Variants in CADM1 observed in about 807,000 individuals in gnomAD.
CADM1 encodes TSLC-1.
In CADM1, 15 loss-of-function variants were observed where a neutral mutation model predicts 53.1. The observed-to-expected ratio is 0.28, with a 90% confidence interval of 0.19 to 0.44. The LOEUF is 0.44. CADM1 is among the 20% of genes least tolerant of loss of function. The probability of loss-of-function intolerance (pLI) is 1.00; values close to 1 mark genes in which losing one functional copy is unlikely to be tolerated. For synonymous variants in CADM1, 281 were observed against 243.0 expected, an observed-to-expected ratio of 1.16 and a Z score of -1.45; for missense variants, 434 against 611.3, an observed-to-expected ratio of 0.71 and a Z score of 3.06.
chr11:115,234,347 G>C (rs1941935101), intron 3 of CADM1, among the ~76,000 whole-genome samples: 1 of 152,188 alleles, frequency 6.6e-6, no homozygotes, highest in Non-Finnish European at 1.5e-5. Context: ...GTACAGATAA[G>C]GATCGAGGAA....
At chr11:115,301,775 A>C (rs1319908072) in intron 1 of CADM1, among the ~76,000 whole-genome samples, 1 of 152,102 alleles carries the variant, frequency 6.6e-6, no homozygotes, top group African/African-American at 2.4e-5. Flanking sequence ...AGAAATTAAA[A>C]ATAAAACAGT....
chr11:115,477,068 G>A (rs532329308), intron 1 of CADM1, among the ~76,000 whole-genome samples: 2 of 152,098 alleles, frequency 1.3e-5, no homozygotes, highest in African/African-American at 2.4e-5. Context: ...AGTCGGGCAG[G>A]ATAGGGCAGG....
chr11:115,243,628 A>C (rs1414994746), intron 1 of CADM1, among the ~76,000 whole-genome samples: 1 of 152,196 alleles, frequency 6.6e-6, no homozygotes, highest in Non-Finnish European at 1.5e-5. Context: ...TTTATGTAAA[A>C]ATAATTTCTG....
At chr11:115,331,731 A>G (rs1348038287) in intron 1 of CADM1, among the ~76,000 whole-genome samples, 2 of 109,182 alleles carry the variant, frequency 1.8e-5, no homozygotes, top group African/African-American at 4.0e-5. Flanking sequence ...ACCTGTAAGG[A>G]AAAAAAATGG....
chr11:115,386,021 CAAA>C (rs1165027098), intron 1 of CADM1, among the ~76,000 whole-genome samples: 1 of 152,230 alleles, frequency 6.6e-6, no homozygotes, highest in Non-Finnish European at 1.5e-5. Context: ...TTACCTCTAA[CAAA>C]ATTACCTGCT....
At chr11:115,200,515 G>A (rs955354057) in intron 8 of CADM1, among the ~76,000 whole-genome samples, 1 of 151,422 alleles carries the variant, frequency 6.6e-6, no homozygotes, top group African/African-American at 2.4e-5. Flanking sequence ...TTTTTTTTGA[G>A]ATGGAGTTTC....
chr11:115,479,827 G>A (rs1949219695), intron 1 of CADM1, among the ~76,000 whole-genome samples: 1 of 152,094 alleles, frequency 6.6e-6, no homozygotes, highest in Admixed American at 6.5e-5. Flanking sequence ...CTAGGCTAAG[G>A]ACATGGATGG....
At chr11:115,242,751 T>C (rs1322592601) in intron 1 of CADM1, among the ~76,000 whole-genome samples, 1 of 152,204 alleles carries the variant, frequency 6.6e-6, no homozygotes, top group Admixed American at 6.5e-5. Flanking sequence ...AAAAGGTACA[T>C]GTGGAAAGGC....
At chr11:115,334,280 T>C (rs1591718239) in intron 1 of CADM1, among the ~76,000 whole-genome samples, 1 of 152,114 alleles carries the variant, frequency 6.6e-6, no homozygotes, top group African/African-American at 2.4e-5. Context: ...TCATAAAGAA[T>C]TGATCACATT....
chr11:115,189,395 A>C (rs964985658), intron 10 of CADM1, among the ~76,000 whole-genome samples: 2 of 152,190 alleles, frequency 1.3e-5, no homozygotes, highest in Non-Finnish European at 2.9e-5. Flanking sequence ...AAGAGGGATC[A>C]GGGCCAACAC....
chr11:115,494,061 G>C (rs1194213154), intron 1 of CADM1, among the ~76,000 whole-genome samples: 1 of 152,106 alleles, frequency 6.6e-6, no homozygotes, highest in East Asian at 1.9e-4. Flanking sequence ...ACATGCTGAA[G>C]TATTCATCAT....
rs201580425 is a variant in CADM1, at chr11:115,176,312, ATT to A, written c.*160_*161del. The stretch of plus-strand genomic sequence containing the variant: ...CAGCAGAGTGTACTTTCCAAAGAAC[ATT>A]TTTTTTTTTTTTACACAGCAAATCC... On this transcript the variant is annotated 3_prime_UTR_variant, in exon 12 of 12. Transcript: ENST00000331581. 3.5e-3 allele frequency: 4,497 copies of A among 1,276,844 alleles called. No individual in the cohort carries two copies. The highest frequency in any genetic ancestry group is 7.4e-3 in the East Asian group (253 of 33,974). 79.1% of individuals were successfully genotyped at this position (1,276,844 alleles called of 1,614,324 possible). A position where few individuals can be genotyped will look rare whatever the true frequency, so the allele number is the denominator to read the frequency against.
chr11:115,385,669 T>TAA (rs1315675446), intron 1 of CADM1, among the ~76,000 whole-genome samples: 1 of 149,328 alleles, frequency 6.7e-6, no homozygotes, highest in Non-Finnish European at 1.5e-5. Flanking sequence ...AGGTACATAT[T>TAA]AAACTGGGGC....
chr11:115,245,720 A>G (rs890068613), intron 1 of CADM1, among the ~76,000 whole-genome samples: 4 of 152,218 alleles, frequency 2.6e-5, no homozygotes, highest in Non-Finnish European at 5.9e-5. Flanking sequence ...AGAGGGAAAA[A>G]TCTTTCTAAC....
intron 1 of CADM1, among the ~76,000 whole-genome samples, chr11:115,444,926 CA>C (rs1180968741): frequency 1.3e-5 from 2 of 152,218 alleles, no homozygotes; most frequent in Middle Eastern, 3.4e-3. Flanking sequence ...GACATATTTG[CA>C]GGGGGCAGGC....
intron 1 of CADM1, among the ~76,000 whole-genome samples, chr11:115,486,003 A>G (rs906358928): frequency 2.6e-5 from 4 of 152,180 alleles, no homozygotes; most frequent in Non-Finnish European, 5.9e-5. Context: ...TAGAGTAGTC[A>G]TTCTCCTAGT....
At chr11:115,453,000 T>C (rs1405636684) in intron 1 of CADM1, among the ~76,000 whole-genome samples, 8 of 152,144 alleles carry the variant, frequency 5.3e-5, no homozygotes, top group Admixed American at 2.6e-4. Flanking sequence ...TATAATTAGA[T>C]AAATTTTATC....
chr11:115,364,268 A>C (rs1946102188), intron 1 of CADM1, among the ~76,000 whole-genome samples: 1 of 152,208 alleles, frequency 6.6e-6, no homozygotes, highest in Non-Finnish European at 1.5e-5. Flanking sequence ...CTCTTTTCTA[A>C]GGCCAAGTTA....
At chr11:115,266,084 G>T (rs1000650148) in intron 1 of CADM1, among the ~76,000 whole-genome samples, 1 of 152,176 alleles carries the variant, frequency 6.6e-6, no homozygotes, top group Non-Finnish European at 1.5e-5. Context: ...GAGAACCACC[G>T]TGGTAAGAGA....
Sources: gnomAD v4.1 joint callset for allele counts (sites outside exome capture counted in the v4.1 genomes callset) on GRCh38, gnomAD v4.1.1 for gene constraint, MANE v1.5 for transcripts, NCBI Gene and HGNC (gene_info 2026-07-23, HGNC 2026-07-21) for gene names.